The following PTPN14 variants were observed in gnomAD, a reference collection of about 807,000 sequenced individuals.
PTPN14 encodes the protein tyrosine-protein phosphatase non-receptor type 14.
A neutral mutation model predicts 126.8 loss-of-function variants in PTPN14; 53 were observed. The observed-to-expected ratio is 0.42, with a 90% CI of 0.34 to 0.53. The LOEUF (loss-of-function observed/expected upper bound fraction) is 0.53. Ranked by LOEUF, PTPN14 falls within the 20% of genes least tolerant of loss-of-function variation. The probability of loss-of-function intolerance (pLI) is 0.08; values close to 1 mark genes in which losing one functional copy is unlikely to be tolerated. For synonymous variants in PTPN14, 630 were observed against 599.3 expected (o/e 1.05, Z -0.75); for missense variants, 1,257 against 1,552.9 (o/e 0.81, Z 3.20).
chr1:214,536,675 C>T (rs1262110870), intron 1 of PTPN14, among the ~76,000 whole-genome samples: 2 of 151,994 alleles, frequency 1.3e-5, no homozygotes, highest in East Asian at 3.9e-4. Context: ...TTCCTAGCTA[C>T]TCAGGAGGCT....
In PTPN14 at chr1:214,384,916, C is replaced by A; in HGVS notation, c.1067-128G>T. 1.8e-6 allele frequency: 2 copies of A among 1,083,596 alleles called. No individual in the cohort carries two copies. Among genetic ancestry groups the A allele is most frequent in the Non-Finnish European group, 2.6e-6 (2 of 761,086 alleles). The allele number at this position is 1,083,596 out of a possible 1,614,324, so 67.1% of individuals were successfully genotyped here. A position where few individuals can be genotyped will look rare whatever the true frequency, so the allele number is the denominator to read the frequency against. On this transcript the variant is annotated intron_variant, in intron 12 of 18. Transcript: ENST00000366956. The surrounding 1 kb of genome is among the most constrained non-coding windows in gnomAD (Gnocchi z 5.3). ...AAAAGTGAAATCCCATGGTCTCCAC[C>A]CACATGTTCTATAGAATAACAGATA...
Position 214,364,762 on chromosome 1 carries a change from G to GGTGTGTGTGT in PTPN14, c.3272-88_3272-87insACACACACAC. 1 of 714,522 alleles carries GGTGTGTGTGT rather than the reference G, an allele frequency of 1.4e-6. No homozygotes were observed. The allele number at this position is 714,522 out of a possible 1,614,324, so 44.3% of individuals were successfully genotyped here. A position where few individuals can be genotyped will look rare whatever the true frequency, so the allele number is the denominator to read the frequency against. ...GAGGGGGGAGCGGAAGAGAACTGAT[G>GGTGTGTGTGT]GTGAGTGTGTGTGTGTGTGTGTGTG... On this transcript the variant is annotated intron_variant, in intron 17 of 18. Coordinates refer to ENST00000366956, the MANE Select transcript of PTPN14 (RefSeq NM_005401.5). The surrounding 1 kb of genome is among the most constrained non-coding windows in gnomAD (Gnocchi z 4.1).
At chr1:214,374,926 T>C (rs1658306044) in intron 15 of PTPN14, among the ~76,000 whole-genome samples, 1 of 152,220 alleles carries the variant, frequency 6.6e-6, no homozygotes, top group African/African-American at 2.4e-5. Context: ...GAAGCAGCTG[T>C]GTGATCTGCA....
chr1:214,365,473 C>T (rs1658059593), intron 17 of PTPN14, among the ~76,000 whole-genome samples: 1 of 152,160 alleles, frequency 6.6e-6, no homozygotes, highest in Non-Finnish European at 1.5e-5. Flanking sequence ...AATCCTCAGA[C>T]ACTCCAAAAA....
At chr1:214,379,143 A>G (rs1220378187) in intron 13 of PTPN14, among the ~76,000 whole-genome samples, 2 of 152,228 alleles carry the variant, frequency 1.3e-5, no homozygotes, top group East Asian at 1.9e-4. Flanking sequence ...GGCATTCCTC[A>G]TAGAAGCAGA....
chr1:214,510,044 C>T (rs1654935661), intron 1 of PTPN14, among the ~76,000 whole-genome samples: 1 of 152,166 alleles, frequency 6.6e-6, no homozygotes, highest in Non-Finnish European at 1.5e-5. Context: ...TTAATCATTT[C>T]TAGATGTTGC....
At chr1:214,483,660 A>G (rs1661052469) in intron 1 of PTPN14, among the ~76,000 whole-genome samples, 1 of 152,062 alleles carries the variant, frequency 6.6e-6, no homozygotes, top group African/African-American at 2.4e-5. Context: ...TCTACACTGC[A>G]CCTTTATATA....
chr1:214,502,549 G>A (rs183933464), intron 1 of PTPN14, among the ~76,000 whole-genome samples: 30 of 152,204 alleles, frequency 2.0e-4, no homozygotes, highest in Non-Finnish European at 3.5e-4. Context: ...TTTAGAGACA[G>A]GATCTCACTA....
At chr1:214,534,954 C>T (rs1363613349) in intron 1 of PTPN14, among the ~76,000 whole-genome samples, 2 of 152,086 alleles carry the variant, frequency 1.3e-5, no homozygotes, top group Non-Finnish European at 2.9e-5. Flanking sequence ...ACGTTACATG[C>T]TTCTCATTAC....
intron 5 of PTPN14, 26 bp downstream of exon 5, chr1:214,411,658 A>C (rs1558090943): frequency 2.8e-6 from 4 of 1,423,984 alleles, no homozygotes; most frequent in Non-Finnish European, 3.9e-6. Flanking sequence ...TAGAAAATTA[A>C]TTAAGAAAAA....
intron 1 of PTPN14, among the ~76,000 whole-genome samples, chr1:214,504,501 C>T (rs529657009): frequency 6.6e-6 from 1 of 152,334 alleles, no homozygotes; most frequent in South Asian, 2.1e-4. Context: ...TCATGTCCAA[C>T]TTGACGCAAG....
At chr1:214,404,489 C>T (rs530607693) in intron 5 of PTPN14, among the ~76,000 whole-genome samples, 1 of 152,218 alleles carries the variant, frequency 6.6e-6, no homozygotes, top group South Asian at 2.1e-4. Flanking sequence ...AGTAAAAACC[C>T]CATTAATTTT....
chr1:214,504,651 T>C (rs1318492584), intron 1 of PTPN14, among the ~76,000 whole-genome samples: 1 of 152,096 alleles, frequency 6.6e-6, no homozygotes, highest in Non-Finnish European at 1.5e-5. Flanking sequence ...CAAATTAAAT[T>C]ATTTCCAAGG....
chr1:214,386,618 T>G (rs1658616861), intron 12 of PTPN14, among the ~76,000 whole-genome samples: 1 of 152,204 alleles, frequency 6.6e-6, no homozygotes, highest in African/African-American at 2.4e-5. Context: ...ACTTGCTCGC[T>G]GCCTTGGCCC....
intron 7 of PTPN14, 82 bp from the exon 8 acceptor site, chr1:214,398,083 C>T (rs1317966811): frequency 8.1e-6 from 9 of 1,109,304 alleles, no homozygotes; most frequent in Non-Finnish European, 1.2e-5. Flanking sequence ...ATGGAATCGA[C>T]CTGAGTGTCC....
intron 1 of PTPN14, chr1:214,532,233 C>G (rs926947928): frequency 3.3e-5 from 13 of 393,794 alleles, no homozygotes; most frequent in Non-Finnish European, 6.3e-5. Flanking sequence ...CCACCAATTA[C>G]TGGTCCCTGG....
intron 11 of PTPN14, among the ~76,000 whole-genome samples, chr1:214,390,619 G>C (rs1474946028): frequency 6.6e-6 from 1 of 152,308 alleles, no homozygotes; most frequent in East Asian, 1.9e-4. Flanking sequence ...CTCTACGGCA[G>C]TGAACACAAA....
chr1:214,350,918 A>T lies in PTPN14; in HGVS notation c.*7004T>A, dbSNP rs1381857844. 5 of 151,880 alleles carry T rather than the reference A, an allele frequency of 3.3e-5. No individual in the cohort carries two copies. In the East Asian group the frequency reaches 9.6e-4, roughly 29 times the overall value. 9.4% of individuals were successfully genotyped at this position (151,880 alleles called of 1,614,324 possible). A position where few individuals can be genotyped will look rare whatever the true frequency, so the allele number is the denominator to read the frequency against. On this transcript the variant is annotated 3_prime_UTR_variant, in exon 19 of 19. Coordinates refer to ENST00000366956, the MANE Select transcript of PTPN14 (RefSeq NM_005401.5). ...AAGCAATTTTTAAAAAATTAAAATA[A>T]GATTTCCTAATTACATATTTCTGAG...
chr1:214,369,103 T>C (rs1658153893), intron 17 of PTPN14, among the ~76,000 whole-genome samples: 1 of 152,360 alleles, frequency 6.6e-6, no homozygotes, highest in East Asian at 1.9e-4. Flanking sequence ...ACATAGTTTT[T>C]GTCCTTTTGT....
Sources: allele counts gnomAD v4.1 joint callset (sites outside exome capture counted in the v4.1 genomes callset), GRCh38; gene constraint gnomAD v4.1.1; non-coding constraint Gnocchi (gnomAD v3.1); transcripts MANE v1.5; gene names NCBI Gene and HGNC (gene_info 2026-07-23, HGNC 2026-07-21).